LEF1: variants seen among roughly 807,000 people sequenced by gnomAD.
The protein encoded by LEF1 is lymphoid enhancer binding factor 1.
In LEF1, 14 loss-of-function variants were observed where a neutral mutation model predicts 51.2. The ratio of observed to expected loss-of-function variants is 0.27; its 90% CI spans 0.18 to 0.43. The LOEUF (loss-of-function observed/expected upper bound fraction) is 0.43, where lower values mean the gene tolerates loss of function less well. Among genes scored for constraint, LEF1 ranks in the 20% least tolerant of loss-of-function variants. The pLI, the probability that LEF1 is intolerant of heterozygous loss-of-function variation, is 1.00. For missense variants in LEF1, 386 were observed against 512.0 expected (o/e 0.75, Z 2.37); for synonymous variants, 185 against 183.2 (o/e 1.01, Z -0.08).
chr4:108,118,816 A>C (rs968079853), intron 3 of LEF1, among the ~76,000 whole-genome samples: 47 of 152,272 alleles, frequency 3.1e-4, no homozygotes, highest in African/African-American at 1.1e-3. Flanking sequence ...CTTTAATGAG[A>C]CAGTATAACA....
At chr4:108,156,246 C>A (rs1744690338) in intron 3 of LEF1, among the ~76,000 whole-genome samples, 1 of 152,106 alleles carries the variant, frequency 6.6e-6, no homozygotes, top group East Asian at 1.9e-4. Flanking sequence ...AGGGTCTAGT[C>A]CATTCTTTAT....
chr4:108,092,640 T>G (rs185255682), intron 3 of LEF1, among the ~76,000 whole-genome samples: 77 of 152,014 alleles, frequency 5.1e-4, no homozygotes, highest in African/African-American at 1.8e-3. Context: ...CCTAATAAAA[T>G]GTGGTATATA....
At chr4:108,080,564 A>G (rs745500765) in intron 6 of LEF1, among the ~76,000 whole-genome samples, 32 of 152,240 alleles carry the variant, frequency 2.1e-4, no homozygotes, top group Non-Finnish European at 4.6e-4. Flanking sequence ...TGACCAAATA[A>G]TGATGCTTTG....
At chr4:108,152,053 C>T (rs1744387917) in intron 3 of LEF1, among the ~76,000 whole-genome samples, 1 of 152,084 alleles carries the variant, frequency 6.6e-6, no homozygotes, top group South Asian at 2.1e-4. Context: ...AACACAAAGA[C>T]AAAAAGCTAT....
chr4:108,140,238 C>T (rs1743555337), intron 3 of LEF1, among the ~76,000 whole-genome samples: 2 of 152,072 alleles, frequency 1.3e-5, no homozygotes, highest in South Asian at 2.1e-4. Flanking sequence ...TTGAAGCCAA[C>T]GCTCCAGGCA....
At chr4:108,117,407 C>A (rs969084712) in intron 3 of LEF1, among the ~76,000 whole-genome samples, 2 of 152,222 alleles carry the variant, frequency 1.3e-5, no homozygotes, top group Non-Finnish European at 2.9e-5. Flanking sequence ...GATTCAACCT[C>A]CACCTTTCTA....
rs1008250259 is a variant in LEF1 at position 108,070,597 on chromosome 4, C to A, written c.1116+66G>T. On this transcript the variant is annotated intron_variant, in intron 9 of 11. Coordinates refer to ENST00000265165, the MANE Select transcript of LEF1 (RefSeq NM_016269.5). Reference sequence around the variant, plus strand: ...CATTATATACACCTAAAACACATTTCCTTCTTGAACGCAAAAGAGCGAATG... The same window carrying A: ...CATTATATACACCTAAAACACATTTACTTCTTGAACGCAAAAGAGCGAATG... 5.6e-6 allele frequency: 6 copies of A among 1,066,606 alleles called. No individual in the cohort carries two copies. In the African/African-American group the frequency reaches 9.3e-5, roughly 17 times the overall value. 66.1% of individuals were successfully genotyped at this position (1,066,606 alleles called of 1,614,324 possible). A position where few individuals can be genotyped will look rare whatever the true frequency, so the allele number is the denominator to read the frequency against.
At chr4:108,113,140 T>A (rs1741629412) in intron 3 of LEF1, among the ~76,000 whole-genome samples, 1 of 152,242 alleles carries the variant, frequency 6.6e-6, no homozygotes, top group African/African-American at 2.4e-5. Context: ...ATTCTCTTTG[T>A]TTAGTGCCAT....
chr4:108,076,437 C>T (rs1479855586), intron 8 of LEF1, among the ~76,000 whole-genome samples: 2 of 152,096 alleles, frequency 1.3e-5, no homozygotes, highest in African/African-American at 2.4e-5. Flanking sequence ...GGCACAATCT[C>T]GGCTCACTGC....
chr4:108,052,822 G>A (rs1737089007), intron 11 of LEF1, among the ~76,000 whole-genome samples: 1 of 152,116 alleles, frequency 6.6e-6, no homozygotes, highest in Non-Finnish European at 1.5e-5. Context: ...TGAGGGGGAA[G>A]GAACAAAAAC....
chr4:108,092,799 C>T (rs2110275244), intron 3 of LEF1, among the ~76,000 whole-genome samples: 1 of 151,850 alleles, frequency 6.6e-6, no homozygotes, highest in East Asian at 1.9e-4. Flanking sequence ...GTTTCAAGCA[C>T]TATTCTAGCA....
intron 3 of LEF1, among the ~76,000 whole-genome samples, chr4:108,092,575 T>C (rs1191984710): frequency 1.3e-5 from 2 of 152,148 alleles, no homozygotes; most frequent in African/African-American, 4.8e-5. Context: ...ACTGCTACTT[T>C]GGTTAAGTTT....
intron 3 of LEF1, among the ~76,000 whole-genome samples, chr4:108,101,704 G>C (rs968177795): frequency 1.3e-5 from 2 of 152,136 alleles, no homozygotes; most frequent in African/African-American, 4.8e-5. Flanking sequence ...ATCCACAAAT[G>C]ATAAATGAAA....
chr4:108,052,467 A>C (rs1242553478), intron 11 of LEF1, among the ~76,000 whole-genome samples: 1 of 152,144 alleles, frequency 6.6e-6, no homozygotes, highest in African/African-American at 2.4e-5. Context: ...TAATTGCAAA[A>C]ATGGAATTCC....
rs565502867 is a variant in LEF1 at position 108,078,140 on chromosome 4, T to C, written c.1008+80A>G. On this transcript the variant is annotated intron_variant, in intron 8 of 11. Coordinates refer to ENST00000265165, the MANE Select transcript of LEF1 (RefSeq NM_016269.5). ...GCAAACACATTCTATGACCACCTGA[T>C]ATGGGATTAAATTGGGGCAGATTTT... The C allele has an allele frequency of 3.2e-5, 41 of 1,292,888 alleles. No individual in the cohort carries two copies. The South Asian group carries it at 4.8e-4, about 15-fold the overall frequency. The allele number at this position is 1,292,888 out of a possible 1,614,324, so 80.1% of individuals were successfully genotyped here. A position where few individuals can be genotyped will look rare whatever the true frequency, so the allele number is the denominator to read the frequency against.
At chr4:108,145,558 T>C (rs1489481302) in intron 3 of LEF1, among the ~76,000 whole-genome samples, 1 of 152,236 alleles carries the variant, frequency 6.6e-6, no homozygotes, top group Non-Finnish European at 1.5e-5. Context: ...TTCACTTTTC[T>C]TCCTCTCAAT....
intron 4 of LEF1, 151 bp from the exon 5 acceptor site, chr4:108,083,597 T>C (rs1739455596): frequency 3.7e-6 from 2 of 535,456 alleles, no homozygotes; most frequent in East Asian, 6.6e-5. Context: ...ATTTGTTAGC[T>C]TTTCTCAAGA....
intron 3 of LEF1, among the ~76,000 whole-genome samples, chr4:108,134,477 C>T (rs1440608466): frequency 6.6e-6 from 1 of 152,192 alleles, no homozygotes; most frequent in Non-Finnish European, 1.5e-5. Context: ...TAGAATAATA[C>T]AGGGCACTGG....
chr4:108,049,441 T>C (rs1029424575), intron 11 of LEF1, among the ~76,000 whole-genome samples: 5 of 152,234 alleles, frequency 3.3e-5, no homozygotes, highest in African/African-American at 1.2e-4. Flanking sequence ...TCCTCAAAGC[T>C]TTAATGATCT....
Sources: gnomAD v4.1 joint callset for allele counts (sites outside exome capture counted in the v4.1 genomes callset) on GRCh38, gnomAD v4.1.1 for gene constraint, MANE v1.5 for transcripts, NCBI Gene and HGNC (gene_info 2026-07-23, HGNC 2026-07-21) for gene names.